The following EPHA3 variants were observed in gnomAD, a reference collection of about 807,000 sequenced individuals.
EPHA3 encodes the protein EPH receptor A3.
Under a neutral mutation model 107.1 loss-of-function variants are expected in EPHA3, and 42 were observed. That is an observed-to-expected ratio of 0.39 (90% CI 0.31 to 0.51). The LOEUF (loss-of-function observed/expected upper bound fraction) is 0.51, where lower values mean the gene tolerates loss of function less well. Ranked by LOEUF, EPHA3 falls within the 20% of genes least tolerant of loss-of-function variation. The probability of loss-of-function intolerance (pLI) is 0.78; values close to 1 mark genes in which losing one functional copy is unlikely to be tolerated. For synonymous variants in EPHA3, 461 were observed against 424.8 expected, an observed-to-expected ratio of 1.09 and a Z score of -1.05; for missense variants, 1,183 against 1,211.2, an observed-to-expected ratio of 0.98 and a Z score of 0.35.
chr3:89,156,212 GA>G, intron 2 of EPHA3, among the ~76,000 whole-genome samples: 1 of 152,132 alleles, frequency 6.6e-6, no homozygotes, highest in South Asian at 2.1e-4. Context: ...TGTGTCTAAA[GA>G]AACTTGTCTT....
intron 3 of EPHA3, among the ~76,000 whole-genome samples, chr3:89,221,568 G>A (rs1418480287): frequency 6.6e-6 from 1 of 152,102 alleles, no homozygotes; most frequent in African/African-American, 2.4e-5. Flanking sequence ...TTGTGGGAAT[G>A]CTTTCTCAAA....
intron 1 of EPHA3, among the ~76,000 whole-genome samples, chr3:89,115,582 T>C (rs1383363013): frequency 6.6e-5 from 10 of 152,182 alleles, no homozygotes; most frequent in Non-Finnish European, 1.2e-4. Context: ...CCTGTAGACT[T>C]CAAGACTAAT....
At chr3:89,150,413 G>T (rs527374959) in intron 2 of EPHA3, among the ~76,000 whole-genome samples, 39 of 151,984 alleles carry the variant, frequency 2.6e-4, no homozygotes, top group African/African-American at 8.7e-4. Context: ...ATAATAATGT[G>T]CATTCGTTAT....
Position 89,480,070 on chromosome 3 carries a change from T to G in EPHA3, c.*568T>G, listed in dbSNP as rs1461918914. 8.6e-6 allele frequency: 2 copies of G among 232,754 alleles called. No individual in the cohort carries two copies. Among genetic ancestry groups the G allele is most frequent in the African/African-American group, 4.4e-5 (2 of 45,328 alleles). The allele number at this position is 232,754 out of a possible 1,614,324, so 14.4% of individuals were successfully genotyped here. On this transcript the variant is annotated 3_prime_UTR_variant, in exon 17 of 17. Coordinates refer to ENST00000336596, the MANE Select transcript of EPHA3 (RefSeq NM_005233.6). Reference sequence around the variant, plus strand: ...TGTAGTTGTTTTAAGTACTACACATTTTTAAATTGTTAGCTTCCTTAAGTA... The same window carrying G: ...TGTAGTTGTTTTAAGTACTACACATGTTTAAATTGTTAGCTTCCTTAAGTA...
chr3:89,303,103 C>G (rs1357660808), intron 3 of EPHA3, among the ~76,000 whole-genome samples: 1 of 152,016 alleles, frequency 6.6e-6, no homozygotes, highest in Non-Finnish European at 1.5e-5. Context: ...ACCATGTTGC[C>G]CATGTTGGTC....
At chr3:89,271,497 A>G (rs1274814988) in intron 3 of EPHA3, among the ~76,000 whole-genome samples, 2 of 152,032 alleles carry the variant, frequency 1.3e-5, no homozygotes, top group South Asian at 2.1e-4. Context: ...TCTCACCTTT[A>G]GTGTTCTTGA....
chr3:89,153,350 C>T (rs757377060), intron 2 of EPHA3, among the ~76,000 whole-genome samples: 85 of 151,986 alleles, frequency 5.6e-4, no homozygotes, highest in Non-Finnish European at 1.1e-3. Flanking sequence ...TATTTTCAGC[C>T]TTCTGCAAAA....
intron 2 of EPHA3, among the ~76,000 whole-genome samples, chr3:89,142,226 C>A (rs1433597646): frequency 2.6e-5 from 4 of 151,184 alleles, no homozygotes; most frequent in Admixed American, 1.3e-4. Context: ...CTTTTTCCCC[C>A]AACGTTCAAT....
intron 1 of EPHA3, among the ~76,000 whole-genome samples, chr3:89,110,739 T>TA (rs1266593416): frequency 6.6e-6 from 1 of 152,054 alleles, no homozygotes; most frequent in African/African-American, 2.4e-5. Flanking sequence ...TTCATATACT[T>TA]ACTCCTAGTT....
chr3:89,113,534 C>T (rs1223385641), intron 1 of EPHA3, among the ~76,000 whole-genome samples: 2 of 60,238 alleles, frequency 3.3e-5, no homozygotes, highest in Middle Eastern at 9.1e-3. Flanking sequence ...TGGTCGATTA[C>T]AAAGAAAAAA....
chr3:89,399,838 C>A, intron 7 of EPHA3: 4 of 1,088,588 alleles, frequency 3.7e-6, no homozygotes, highest in Non-Finnish European at 3.3e-6. Context: ...TTCAATGAAC[C>A]ACAAAAAAGA....
At chr3:89,378,450 G>T (rs532331737) in intron 5 of EPHA3, among the ~76,000 whole-genome samples, 1 of 151,696 alleles carries the variant, frequency 6.6e-6, no homozygotes, top group African/African-American at 2.4e-5. Flanking sequence ...ACTATTTTTC[G>T]TGTCAATTCT....
chr3:89,328,875 G>C (rs1432778721), intron 3 of EPHA3, among the ~76,000 whole-genome samples: 1 of 152,052 alleles, frequency 6.6e-6, no homozygotes, highest in African/African-American at 2.4e-5. Flanking sequence ...GGTATGAACT[G>C]TTCTCTCCAG....
chr3:89,155,561 A>G (rs1288518295), intron 2 of EPHA3, among the ~76,000 whole-genome samples: 1 of 152,088 alleles, frequency 6.6e-6, no homozygotes, highest in Non-Finnish European at 1.5e-5. Context: ...TTTGATTTTC[A>G]TGGTGGCTTT....
intron 2 of EPHA3, among the ~76,000 whole-genome samples, chr3:89,178,697 A>G (rs1297571426): frequency 6.6e-6 from 1 of 151,844 alleles, no homozygotes; most frequent in Non-Finnish European, 1.5e-5. Flanking sequence ...CTAAAATAAT[A>G]ATATTTTCAA....
At chr3:89,295,182 T>G (rs1237925098) in intron 3 of EPHA3, among the ~76,000 whole-genome samples, 2 of 152,220 alleles carry the variant, frequency 1.3e-5, no homozygotes, top group Non-Finnish European at 2.9e-5. Context: ...AGGTTATGTT[T>G]ACTCTCTACC....
chr3:89,182,280 A>T (rs914902067), intron 2 of EPHA3, among the ~76,000 whole-genome samples: 2 of 151,928 alleles, frequency 1.3e-5, no homozygotes, highest in African/African-American at 4.8e-5. Context: ...GATTTCCTTG[A>T]CATCTGTAAA....
chr3:89,406,798 T>C (rs1197318143), intron 7 of EPHA3, among the ~76,000 whole-genome samples: 1 of 152,146 alleles, frequency 6.6e-6, no homozygotes, highest in Non-Finnish European at 1.5e-5. Flanking sequence ...TTGTTGGTGG[T>C]ATGTGTTGAG....
chr3:89,444,023 C>T (rs927739488), intron 13 of EPHA3, among the ~76,000 whole-genome samples: 1 of 152,150 alleles, frequency 6.6e-6, no homozygotes, highest in Non-Finnish European at 1.5e-5. Context: ...GCCTGCACTG[C>T]ACATTTGCCA....
Sources: gnomAD v4.1 joint callset for allele counts (sites outside exome capture counted in the v4.1 genomes callset) on GRCh38, gnomAD v4.1.1 for gene constraint, MANE v1.5 for transcripts, NCBI Gene and HGNC (gene_info 2026-07-23, HGNC 2026-07-21) for gene names.